The following UBAP1L variants were observed in gnomAD, a reference collection of about 807,000 sequenced individuals.
The protein encoded by UBAP1L is ubiquitin-associated protein 1-like.
Under a neutral mutation model 32.1 loss-of-function variants are expected in UBAP1L, and 32 were observed. The ratio of observed to expected loss-of-function variants is 1.00; its 90% confidence interval spans 0.75 to 1.34. The LOEUF (loss-of-function observed/expected upper bound fraction) is 1.34, where lower values mean the gene tolerates loss of function less well. Among genes scored for constraint, UBAP1L ranks in the 40% most tolerant of loss-of-function variants. UBAP1L has a pLI of 0.00. For missense variants in UBAP1L, 516 were observed against 540.5 expected (o/e 0.95, Z 0.45); for synonymous variants, 243 against 250.2 (o/e 0.97, Z 0.27).
At chr15:65,096,558 G>C (rs1440407461) in intron 4 of UBAP1L, 1 of 152,266 alleles carries the variant, frequency 6.6e-6, no homozygotes, top group Non-Finnish European at 1.5e-5. Flanking sequence ...TAGCTTTTGG[G>C]CCTGCAGGAC....
rs2087245532 is a variant in UBAP1L, at chr15:65,102,089, G to A, written c.699+17C>T. 1.7e-6 allele frequency: 2 copies of A among 1,166,282 alleles called. No homozygotes were observed. Among genetic ancestry groups the A allele is most frequent in the Non-Finnish European group, 2.1e-6 (2 of 934,730 alleles). The allele number at this position is 1,166,282 out of a possible 1,614,324, so 72.2% of individuals were successfully genotyped here. A position where few individuals can be genotyped will look rare whatever the true frequency, so the allele number is the denominator to read the frequency against. On this transcript the variant is annotated intron_variant, in intron 3 of 5. Transcript: ENST00000559089. This position sits in a 1 kb window ranked among gnomAD's most constrained non-coding sequence, Gnocchi z 5.0. ...GCTGCTGATTGGCGGCCTTGGAGGG[G>A]CGGGCAGAATCCTTACCGCGACCGT...
At chr15:65,105,992 A>G in intron 2 of UBAP1L, 104 bp downstream of exon 2, 3 of 1,489,698 alleles carry the variant, frequency 2.0e-6, no homozygotes, top group Non-Finnish European at 2.7e-6. Flanking sequence ...GGGTTTCACC[A>G]TGTTGGCCAG....
chr15:65,097,828 G>C (rs1294097670), intron 4 of UBAP1L: 1 of 152,176 alleles, frequency 6.6e-6, no homozygotes, highest in Non-Finnish European at 1.5e-5. Context: ...CCCGGCTCCT[G>C]TTTGAAAGTC....
At chr15:65,106,778 T>G (rs1595922610) in intron 1 of UBAP1L, among the ~76,000 whole-genome samples, 1 of 152,072 alleles carries the variant, frequency 6.6e-6, no homozygotes, top group East Asian at 1.9e-4. Context: ...GTAGCTGGAA[T>G]TACAGGCTTG....
intron 1 of UBAP1L, among the ~76,000 whole-genome samples, chr15:65,112,345 T>C (rs1014059582): frequency 6.6e-6 from 1 of 152,174 alleles, no homozygotes; most frequent in African/African-American, 2.4e-5. Context: ...GCTGACTCCA[T>C]TCAGCAGGTA....
chr15:65,103,326 T>C (rs1424264145), intron 2 of UBAP1L, among the ~76,000 whole-genome samples: 1 of 152,242 alleles, frequency 6.6e-6, no homozygotes, highest in Admixed American at 6.5e-5. Context: ...TCGGTGGACC[T>C]GATTGTAGTG....
rs571729811 is a variant in UBAP1L, at chr15:65,102,206, G to A, written c.599C>T (p.Pro200Leu). The change falls in exon 3 of 6, where the codon CCG (proline) becomes CTG (leucine). Residue 200 changes from proline (P) to leucine (L), a missense_variant. By Grantham distance (98) the Pro-to-Leu change is moderately conservative (BLOSUM62 -3). Transcript: ENST00000559089. This position sits in a 1 kb window ranked among gnomAD's most constrained non-coding sequence, Gnocchi z 5.0. The stretch of plus-strand genomic sequence containing the variant: ...GGCGGGGTGCTGGGGCGCGGGCCCC[G>A]GGGGTGATGCAGACCTGGGGGACTG... ...PAQSPRSASP[P>L]GPAPQHPAAP... The A allele has an allele frequency of 5.8e-5, 70 of 1,207,210 alleles. No individual in the cohort carries two copies. The African/African-American group carries it at 6.7e-4, about 12-fold the overall frequency. 74.8% of individuals were successfully genotyped at this position (1,207,210 alleles called of 1,614,324 possible).
Position 65,102,628 on chromosome 15 carries a change from T to C in UBAP1L, c.177A>G (p.Gly59=), listed in dbSNP as rs1290150099. 1.9e-6 allele frequency: 3 copies of C among 1,549,404 alleles called. No homozygotes were observed. The African/African-American group carries it at 4.1e-5, about 21-fold the overall frequency. ...GGTCACCGCACTGGTACGGGCTGGG[T>C]CCCTGGCCGGCGGCCTCCACCCAGA... The part of the protein sequence containing the change: ...ALFWVEAAGQ[G]PSPYQCGDPG... The change falls in exon 3 of 6, where the codon GGA becomes GGG. Residue 59 remains glycine (G), a synonymous_variant. Coordinates refer to ENST00000559089, the MANE Select transcript of UBAP1L (RefSeq NM_001163692.2). The surrounding 1 kb of genome is among the most constrained non-coding windows in gnomAD (Gnocchi z 5.0).
At chr15:65,113,043 A>G (rs981026656) in intron 1 of UBAP1L, among the ~76,000 whole-genome samples, 2 of 152,160 alleles carry the variant, frequency 1.3e-5, no homozygotes, top group African/African-American at 2.4e-5. Context: ...TGTTCCACAC[A>G]CTGAGGCAAG....
At position 65,102,641 on chromosome 15, in the gene UBAP1L, G is replaced by A. The variant is rs1231819809; in HGVS notation, c.164C>T (p.Ala55Val). Reference sequence around the variant, plus strand: ...GTACGGGCTGGGTCCCTGGCCGGCGGCCTCCACCCAGAAGAGTGCCGTCCT... The same window carrying A: ...GTACGGGCTGGGTCCCTGGCCGGCGACCTCCACCCAGAAGAGTGCCGTCCT... The part of the protein sequence containing the change: ...LERTALFWVE[A>V]AGQGPSPYQC... Residue 55 changes from alanine to valine, a missense_variant, in exon 3 of 6, where the codon GCC becomes GTC. Coordinates refer to ENST00000559089, the MANE Select transcript of UBAP1L (RefSeq NM_001163692.2). This position sits in a 1 kb window ranked among gnomAD's most constrained non-coding sequence, Gnocchi z 5.0. 3.2e-6 allele frequency: 5 copies of A among 1,548,968 alleles called. No homozygotes were observed. The highest frequency in any genetic ancestry group is 4.4e-6 in the Non-Finnish European group (5 of 1,146,844).
chr15:65,103,613 T>G (rs2087268879), intron 2 of UBAP1L, among the ~76,000 whole-genome samples: 1 of 152,104 alleles, frequency 6.6e-6, no homozygotes, highest in African/African-American at 2.4e-5. Context: ...CAGGCACAGC[T>G]CCCTCTCACC....
intron 2 of UBAP1L, 36 bp downstream of exon 2, chr15:65,106,060 C>G: frequency 1.3e-6 from 2 of 1,549,928 alleles, no homozygotes; most frequent in Admixed American, 2.0e-5. Flanking sequence ...CCCAGACCCA[C>G]AGACCCAGAA....
chr15:65,102,437 G>A lies in UBAP1L; in HGVS notation c.368C>T (p.Pro123Leu). Residue 123 changes from proline (P) to leucine (L), a missense_variant, in exon 3 of 6, where the codon CCG becomes CTG. Transcript: ENST00000559089. The surrounding 1 kb of genome is among the most constrained non-coding windows in gnomAD (Gnocchi z 5.0). ...GCCCGGTTGGAGGCTGCTGGGGGCC[G>A]GCTCTTCCTCGCTGCCAGAGGAGGC... is the stretch of plus-strand genomic sequence containing the variant. ...AEASSGSEEE[P>L]APSSLQPGSP... 3 of 1,424,238 alleles carry A rather than the reference G, an allele frequency of 2.1e-6. No homozygotes were observed. The highest frequency in any genetic ancestry group is 2.7e-6 in the Non-Finnish European group (3 of 1,091,444). 88.2% of individuals were successfully genotyped at this position (1,424,238 alleles called of 1,614,324 possible).
Position 65,094,673 on chromosome 15 carries a change from C to T in UBAP1L, c.910-97G>A. 1 of 903,746 alleles carries T rather than the reference C, an allele frequency of 1.1e-6. No homozygotes were observed. The highest frequency in any genetic ancestry group is 2.0e-5 in the Admixed American group (1 of 50,038). 56.0% of individuals were successfully genotyped at this position (903,746 alleles called of 1,614,324 possible). A position where few individuals can be genotyped will look rare whatever the true frequency, so the allele number is the denominator to read the frequency against. ...CACTCCAAGGGCCTGAGCTGAGGGCCAGGCAACAGGGCAAGCCACCACCTG... is the reference window on the plus strand; with the variant it reads ...CACTCCAAGGGCCTGAGCTGAGGGCTAGGCAACAGGGCAAGCCACCACCTG... On this transcript the variant is annotated intron_variant, in intron 4 of 5. Coordinates refer to ENST00000559089, the MANE Select transcript of UBAP1L (RefSeq NM_001163692.2). This position sits in a 1 kb window ranked among gnomAD's most constrained non-coding sequence, Gnocchi z 4.2.
In UBAP1L at chr15:65,092,989, G is replaced by A; in HGVS notation, c.*108C>T. The A allele has an allele frequency of 1.5e-6, 2 of 1,362,288 alleles. No individual in the cohort carries two copies. The highest frequency in any genetic ancestry group is 2.0e-6 in the Non-Finnish European group (2 of 1,023,370). 84.4% of individuals were successfully genotyped at this position (1,362,288 alleles called of 1,614,324 possible). On this transcript the variant is annotated 3_prime_UTR_variant, in exon 6 of 6. Transcript: ENST00000559089. ...GGTATTATTTGTGTTTTTACAATAA[G>A]TATGCATCACTTTGTTACTCTTACT...
chr15:65,099,864 C>G, intron 3 of UBAP1L, 150 bp from the exon 4 acceptor site: 1 of 635,720 alleles, frequency 1.6e-6, no homozygotes, highest in Non-Finnish European at 2.7e-6. Flanking sequence ...CAGACCCCAG[C>G]TCTCTAATGC....
In UBAP1L at chr15:65,093,138, G is replaced by C; in HGVS notation, c.1105C>G (p.Arg369Gly). The C allele has an allele frequency of 6.5e-7, 1 of 1,549,874 alleles. No individual in the cohort carries two copies. Among genetic ancestry groups the C allele is most frequent in the Non-Finnish European group, 8.7e-7 (1 of 1,146,806 alleles). Reference sequence around the variant, plus strand: ...ACCAGCTCCTCCAGGGCTTGCTCTCGGCGGTTGCCATGGACCAGCAGCACC... The same window carrying C: ...ACCAGCTCCTCCAGGGCTTGCTCTCCGCGGTTGCCATGGACCAGCAGCACC... Reference protein sequence around the residue: ...KEVLLVHGNRREQALEELVAC... With the variant: ...KEVLLVHGNRGEQALEELVAC... Residue 369 changes from arginine to glycine, a missense_variant, in exon 6 of 6, where the codon CGA (arginine) becomes GGA (glycine). Arg to Gly is a moderately radical substitution (Grantham distance 125). Coordinates refer to ENST00000559089, the MANE Select transcript of UBAP1L (RefSeq NM_001163692.2).
chr15:65,099,631 C>T lies in UBAP1L; in HGVS notation c.783G>A (p.Ala261=), dbSNP rs185974312. 2.0e-5 allele frequency: 31 copies of T among 1,551,628 alleles called. No homozygotes were observed. The highest frequency in any genetic ancestry group is 1.7e-4 in the Middle Eastern group (1 of 5,992). ...LNPHKSHPDT[A]ADLLSALSQE... Reference sequence around the variant, plus strand: ...GGCTCAGGGCGGACAGCAGGTCAGCCGCAGTATCAGGGTGTGACTTGTGGG... The same window carrying T: ...GGCTCAGGGCGGACAGCAGGTCAGCTGCAGTATCAGGGTGTGACTTGTGGG... The change falls in exon 4 of 6, where the codon GCG becomes GCA. Residue 261 remains alanine, a synonymous_variant. Coordinates refer to ENST00000559089, the MANE Select transcript of UBAP1L (RefSeq NM_001163692.2).
chr15:65,113,763 A>T (rs1425465749), intron 1 of UBAP1L, among the ~76,000 whole-genome samples: 1 of 152,198 alleles, frequency 6.6e-6, no homozygotes, highest in Non-Finnish European at 1.5e-5. Context: ...TAAAAAGAAA[A>T]GAAAAGAAAA....
Sources: allele counts gnomAD v4.1 joint callset (sites outside exome capture counted in the v4.1 genomes callset), GRCh38; gene constraint gnomAD v4.1.1; non-coding constraint Gnocchi (gnomAD v3.1); transcripts MANE v1.5; gene names NCBI Gene and HGNC (gene_info 2026-07-23, HGNC 2026-07-21).